ALDH5A1: variants seen among roughly 807,000 people sequenced by gnomAD.
ALDH5A1 encodes the protein succinate-semialdehyde dehydrogenase, mitochondrial.
ALDH5A1 carries 33 observed loss-of-function variants against 54.7 expected under a neutral mutation model. The observed-to-expected ratio is 0.60, with a 90% CI of 0.46 to 0.81. ALDH5A1 has a LOEUF of 0.81. ALDH5A1 is among the 30% of genes least tolerant of loss of function. The probability of loss-of-function intolerance (pLI) is 0.00; values close to 1 mark genes in which losing one functional copy is unlikely to be tolerated. For synonymous variants in ALDH5A1, 294 were observed against 292.7 expected (o/e 1.00, Z -0.05); for missense variants, 657 against 711.0 (o/e 0.92, Z 0.86).
chr6:24,513,278 T>C (rs1759497155), intron 4 of ALDH5A1, among the ~76,000 whole-genome samples: 1 of 152,042 alleles, frequency 6.6e-6, no homozygotes, highest in Non-Finnish European at 1.5e-5. Flanking sequence ...TTGCGTAGCC[T>C]GGTATAGAAC....
intron 4 of ALDH5A1, among the ~76,000 whole-genome samples, chr6:24,506,281 T>C (rs1234031617): frequency 5.8e-5 from 7 of 119,960 alleles, no homozygotes; most frequent in Admixed American, 1.9e-4. Context: ...TTTGAGACAG[T>C]CTCGCTCTGT....
In ALDH5A1 at chr6:24,533,768, C is replaced by A; in HGVS notation, c.*56C>A. 6.8e-7 allele frequency: 1 copy of A among 1,460,134 alleles called. No individual in the cohort carries two copies. The highest frequency in any genetic ancestry group is 9.5e-7 in the Non-Finnish European group (1 of 1,051,466). The allele number at this position is 1,460,134 out of a possible 1,614,324, so 90.4% of individuals were successfully genotyped here. ...GGAGACTTATCTACATATATAGGTA[C>A]ATGCCATCCATTATTTTAAATAAAC... On this transcript the variant is annotated 3_prime_UTR_variant, in exon 10 of 10. Transcript: ENST00000357578.
Position 24,536,308 on chromosome 6 carries a change from AAAG to A in ALDH5A1, c.*2602_*2604del, listed in dbSNP as rs1214269148. The A allele has an allele frequency of 6.6e-6, 1 of 152,236 alleles. No individual in the cohort carries two copies. Among genetic ancestry groups the A allele is most frequent in the Non-Finnish European group, 1.5e-5 (1 of 68,044 alleles). The allele number at this position is 152,236 out of a possible 1,614,324, so 9.4% of individuals were successfully genotyped here. The stretch of plus-strand genomic sequence containing the variant: ...TTTCAAATGATTGGGCAGAAAATCA[AAAG>A]AAGAACAATATTTCATGACACCTGA... On this transcript the variant is annotated 3_prime_UTR_variant, in exon 10 of 10. Coordinates refer to ENST00000357578, the MANE Select transcript of ALDH5A1 (RefSeq NM_001080.3).
chr6:24,506,284 C>T (rs1759354435), intron 4 of ALDH5A1, among the ~76,000 whole-genome samples: 3 of 55,756 alleles, frequency 5.4e-5, no homozygotes, highest in Non-Finnish European at 1.3e-4. Context: ...GAGACAGTCT[C>T]GCTCTGTCAC....
chr6:24,524,504 A>T (rs1198257800), intron 7 of ALDH5A1, among the ~76,000 whole-genome samples: 1 of 152,142 alleles, frequency 6.6e-6, no homozygotes, highest in Non-Finnish European at 1.5e-5. Context: ...TCAGAGCCTG[A>T]GAACCAAGCC....
At chr6:24,523,175 A>C (rs1460016728) in intron 7 of ALDH5A1, among the ~76,000 whole-genome samples, 1 of 152,188 alleles carries the variant, frequency 6.6e-6, no homozygotes, top group African/African-American at 2.4e-5. Context: ...CCCAGTATAA[A>C]GAAATGATCA....
intron 5 of ALDH5A1, among the ~76,000 whole-genome samples, chr6:24,516,892 T>TA (rs1759586253): frequency 6.6e-6 from 1 of 152,176 alleles, no homozygotes; most frequent in Non-Finnish European, 1.5e-5. Flanking sequence ...CACTGCACTC[T>TA]AGCCTGGGCA....
intron 1 of ALDH5A1, among the ~76,000 whole-genome samples, chr6:24,501,755 C>T (rs370373524): frequency 3.3e-5 from 5 of 151,688 alleles, no homozygotes; most frequent in African/African-American, 1.2e-4. Flanking sequence ...TATTTGTGTG[C>T]TTTTCATTGT....
intron 4 of ALDH5A1, among the ~76,000 whole-genome samples, chr6:24,513,991 A>T (rs1759512872): frequency 6.6e-6 from 1 of 152,236 alleles, no homozygotes; most frequent in African/African-American, 2.4e-5. Context: ...TGCTGTTTTC[A>T]TGAGGATATT....
chr6:24,503,509 G>A (rs1466114939), intron 3 of ALDH5A1, 76 bp downstream of exon 3: 1 of 1,544,922 alleles, frequency 6.5e-7, no homozygotes, highest in South Asian at 1.1e-5. Flanking sequence ...TCTTCCTCGT[G>A]AGCAGGTGTG....
In ALDH5A1 at chr6:24,533,619, T is replaced by C; in HGVS notation, c.1515T>C (p.Gly505=). ...GLISSVECPF[G]GVKQSGLGRE... The stretch of plus-strand genomic sequence containing the variant: ...TTTCCTCTGTGGAGTGCCCTTTTGG[T>C]GGAGTGAAGCAGTCCGGCCTTGGGC... Residue 505 remains glycine, a synonymous_variant, in exon 10 of 10, where the codon GGT becomes GGC. Transcript: ENST00000357578. 3 of 1,613,972 alleles carry C rather than the reference T, an allele frequency of 1.9e-6. No individual in the cohort carries two copies. The highest frequency in any genetic ancestry group is 1.1e-5 in the South Asian group (1 of 91,068).
At position 24,503,398 on chromosome 6, in the gene ALDH5A1, A is replaced by G; in HGVS notation, c.574A>G (p.Lys192Glu). The G allele has an allele frequency of 6.2e-7, 1 of 1,613,704 alleles. No individual in the cohort carries two copies. The highest frequency in any genetic ancestry group is 8.5e-7 in the Non-Finnish European group (1 of 1,179,998). Residue 192 changes from lysine to glutamate, a missense_variant, in exon 3 of 10, where the codon AAG becomes GAG. This residue lies in a region of ALDH5A1 where 425 missense variants were observed against 516.4 expected (regional missense o/e 0.82). Coordinates refer to ENST00000357578, the MANE Select transcript of ALDH5A1 (RefSeq NM_001080.3). ...AAAGGACAGGCGGGCCCTGGTCCTCAAGCAGCCCATAGGCGTGGCTGCAGT... is the reference window on the plus strand; with the variant it reads ...AAAGGACAGGCGGGCCCTGGTCCTCGAGCAGCCCATAGGCGTGGCTGCAGT... ...PAKDRRALVLKQPIGVAAVIT... is the reference protein window; with the variant it reads ...PAKDRRALVLEQPIGVAAVIT...
At chr6:24,498,974 C>T (rs982845156) in intron 1 of ALDH5A1, among the ~76,000 whole-genome samples, 8 of 151,974 alleles carry the variant, frequency 5.3e-5, no homozygotes, top group Non-Finnish European at 1.0e-4. Flanking sequence ...GTGGTGGGCG[C>T]CTGTAATCCC....
At chr6:24,499,573 G>T (rs1764780343) in intron 1 of ALDH5A1, among the ~76,000 whole-genome samples, 3 of 151,542 alleles carry the variant, frequency 2.0e-5, no homozygotes, top group Non-Finnish European at 4.4e-5. Context: ...GCTCACTGCA[G>T]CCTCAAACTC....
chr6:24,523,021 G>T, intron 7 of ALDH5A1, 96 bp downstream of exon 7: 1 of 695,616 alleles, frequency 1.4e-6, no homozygotes, highest in Non-Finnish European at 2.3e-6. Context: ...GGTGGGGATA[G>T]AGAGGGGTGG....
At chr6:24,513,029 C>T (rs1388767705) in intron 4 of ALDH5A1, among the ~76,000 whole-genome samples, 1 of 151,812 alleles carries the variant, frequency 6.6e-6, no homozygotes, top group Non-Finnish European at 1.5e-5. Flanking sequence ...TTCTGGTATG[C>T]TTTTGTTGTC....
rs1258501471 is a variant in ALDH5A1, at chr6:24,522,886, T to C, written c.1134T>C (p.Thr378=). 6.2e-6 allele frequency: 10 copies of C among 1,613,874 alleles called. No homozygotes were observed. In the African/African-American group the frequency reaches 1.1e-4, roughly 17 times the overall value. The change falls in exon 7 of 10, where the codon ACT becomes ACC. Residue 378 remains threonine, a synonymous_variant. Transcript: ENST00000357578. ...LRVGNGFEEG[T]TQGPLINEKA... ...TAGGTAATGGATTTGAGGAAGGAAC[T>C]ACTCAGGGCCCATTAATTAATGAAA...
intron 5 of ALDH5A1, 143 bp downstream of exon 5, chr6:24,515,453 G>A (rs1581815326): frequency 1.3e-5 from 13 of 1,001,144 alleles, no homozygotes; most frequent in East Asian, 5.4e-5. Flanking sequence ...GGCCAAGCAC[G>A]GCGGCTCATG....
intron 4 of ALDH5A1, among the ~76,000 whole-genome samples, chr6:24,506,526 C>G (rs1759362474): frequency 6.6e-6 from 1 of 152,090 alleles, no homozygotes; most frequent in African/African-American, 2.4e-5. Flanking sequence ...GCTGGGATTA[C>G]AGGCATGAGC....
Sources: gnomAD v4.1 joint callset for allele counts (sites outside exome capture counted in the v4.1 genomes callset) on GRCh38, gnomAD v4.1.1 for gene constraint, gnomAD v4.1.1 regional missense constraint, MANE v1.5 for transcripts, NCBI Gene and HGNC (gene_info 2026-07-23, HGNC 2026-07-21) for gene names.